Variants in COPZ2 observed in about 807,000 individuals in gnomAD.
COPZ2 encodes coatomer subunit zeta-2.
In COPZ2, 30 loss-of-function variants were observed where a neutral mutation model predicts 33.2. The ratio of observed to expected loss-of-function variants is 0.90; its 90% CI spans 0.68 to 1.23. The LOEUF (loss-of-function observed/expected upper bound fraction) is 1.23, where lower values mean the gene tolerates loss of function less well. Among genes scored for constraint, COPZ2 ranks in the 50% most tolerant of loss-of-function variants. The pLI, the probability that COPZ2 is intolerant of heterozygous loss-of-function variation, is 0.00. For missense variants in COPZ2, 263 were observed against 262.4 expected, an observed-to-expected ratio of 1.00 and a Z score of -0.02; for synonymous variants, 89 against 102.6, an observed-to-expected ratio of 0.87 and a Z score of 0.80.
the COPZ2 span, chr17:48,046,549 G>C: frequency 6.6e-6 from 1 of 152,214 alleles, no homozygotes; most frequent in African/African-American, 2.4e-5. Flanking sequence ...GTGCTACTGT[G>C]AGCCACTGCG....
chr17:48,029,225 C>T (rs897239640), intron 6 of COPZ2, 49 bp from the exon 7 acceptor site: 1 of 1,505,258 alleles, frequency 6.6e-7, no homozygotes, highest in Non-Finnish European at 9.0e-7. Context: ...GCACAATCCT[C>T]CCCTCCGCCC....
chr17:48,041,951 G>A (rs1358223040), upstream of COPZ2, among the ~76,000 whole-genome samples: 2 of 150,650 alleles, frequency 1.3e-5, no homozygotes, highest in Non-Finnish European at 2.9e-5. Context: ...TGGGAAGATA[G>A]GGGACTTAGG....
At chr17:48,027,942 A>T (rs2036839680) in intron 8 of COPZ2, among the ~76,000 whole-genome samples, 1 of 152,180 alleles carries the variant, frequency 6.6e-6, no homozygotes, top group Non-Finnish European at 1.5e-5. Context: ...GGGTTGTGGC[A>T]GGTTCTTCCA....
At chr17:48,042,298 T>TA (rs904345875), upstream of COPZ2, among the ~76,000 whole-genome samples, 2 of 151,970 alleles carry the variant, frequency 1.3e-5, no homozygotes, top group Admixed American at 6.6e-5. Flanking sequence ...CACACCCAGC[T>TA]AATTTTTTTT....
At chr17:48,041,328 A>G (rs1006172449), upstream of COPZ2, among the ~76,000 whole-genome samples, 1 of 152,214 alleles carries the variant, frequency 6.6e-6, no homozygotes, top group Non-Finnish European at 1.5e-5. Context: ...GTTTCTGTGC[A>G]AGATATAATA....
intron 6 of COPZ2, among the ~76,000 whole-genome samples, chr17:48,029,883 G>A (rs1291925577): frequency 2.0e-5 from 3 of 151,892 alleles, no homozygotes; most frequent in Non-Finnish European, 2.9e-5. Context: ...CAGGAGAATC[G>A]CTTCAACCCG....
rs2036818605 is a variant in COPZ2, at chr17:48,026,478, G to C, written c.586-3C>G. On this transcript the variant is annotated splice_region_variant and splice_polypyrimidine_tract_variant and intron_variant, in intron 8 of 8. Coordinates refer to ENST00000621465, the MANE Select transcript of COPZ2 (RefSeq NM_016429.4). Reference sequence around the variant, plus strand: ...TGTTCCTTGGCAGACTGAAGAACCTGGGGTGGGGTGGGGGAGGTTGAGAGA... The same window carrying C: ...TGTTCCTTGGCAGACTGAAGAACCTCGGGTGGGGTGGGGGAGGTTGAGAGA... 1.2e-6 allele frequency: 2 copies of C among 1,605,736 alleles called. No homozygotes were observed. The highest frequency in any genetic ancestry group is 1.7e-6 in the Non-Finnish European group (2 of 1,172,782).
At position 48,032,252 on chromosome 17, in the gene COPZ2, TCCTGAGC is replaced by T; in HGVS notation, c.417-26_417-20del. On this transcript the variant is annotated intron_variant, in intron 5 of 8. Transcript: ENST00000621465. The stretch of plus-strand genomic sequence containing the variant: ...GTTCTTCCTGAAGGTGGACACAAGC[TCCTGAGC>T]CTCCCTGTGGCTGGGAGGAACTGAG... 1 of 1,605,774 alleles carries T rather than the reference TCCTGAGC, an allele frequency of 6.2e-7. No homozygotes were observed. The highest frequency in any genetic ancestry group is 8.5e-7 in the Non-Finnish European group (1 of 1,175,900).
intron 2 of COPZ2, among the ~76,000 whole-genome samples, chr17:48,036,342 T>C (rs1405949000): frequency 6.6e-6 from 1 of 152,220 alleles, no homozygotes; most frequent in Non-Finnish European, 1.5e-5. Context: ...ACTTGTGACC[T>C]CAGGCAACTC....
chr17:48,043,781 CTAG>C, the COPZ2 span, among the ~76,000 whole-genome samples: 1 of 152,178 alleles, frequency 6.6e-6, no homozygotes, highest in Non-Finnish European at 1.5e-5. Flanking sequence ...GATGGCCCAA[CTAG>C]TAAGAAACAG....
chr17:48,039,426 T>C (rs1291263679), upstream of COPZ2, among the ~76,000 whole-genome samples: 1 of 149,878 alleles, frequency 6.7e-6, no homozygotes, highest in Non-Finnish European at 1.5e-5. Flanking sequence ...GCCATGATCA[T>C]GCCACTGTGC....
At chr17:48,043,850 A>C in the COPZ2 span, among the ~76,000 whole-genome samples, 1 of 152,188 alleles carries the variant, frequency 6.6e-6, no homozygotes, top group South Asian at 2.1e-4. Context: ...CCTACCTCTT[A>C]ATGGCAGCTC....
chr17:48,043,013 C>G (rs925868744), upstream of COPZ2, among the ~76,000 whole-genome samples: 4 of 152,214 alleles, frequency 2.6e-5, no homozygotes, highest in African/African-American at 9.6e-5. Context: ...GAGCATGGCC[C>G]TAAGAGGACT....
chr17:48,042,344 G>A (rs1178552422), upstream of COPZ2, among the ~76,000 whole-genome samples: 1 of 152,120 alleles, frequency 6.6e-6, no homozygotes, highest in Non-Finnish European at 1.5e-5. Flanking sequence ...TATGTTGTTT[G>A]GCTGGTCTTG....
intron 2 of COPZ2, among the ~76,000 whole-genome samples, chr17:48,035,628 T>C (rs545059421): frequency 1.4e-4 from 21 of 152,280 alleles, no homozygotes; most frequent in African/African-American, 5.1e-4. Flanking sequence ...TGTGCCATGT[T>C]GCCCAGGCTG....
At chr17:48,046,003 T>TG in the COPZ2 span, 1 of 152,226 alleles carries the variant, frequency 6.6e-6, no homozygotes, top group African/African-American at 2.4e-5. Flanking sequence ...CTCCCTTCCA[T>TG]GGAGCATCAA....
chr17:48,038,340 A>C (rs114877651), upstream of COPZ2, among the ~76,000 whole-genome samples: 443 of 152,276 alleles, frequency 2.9e-3, 1 homozygote, highest in African/African-American at 0.01. Context: ...AGGCTCTCCT[A>C]AGTCACAGAT....
chr17:48,037,662 C>G lies in COPZ2; in HGVS notation c.111+5G>C. The G allele has an allele frequency of 9.2e-7, 1 of 1,089,474 alleles. No individual in the cohort carries two copies. Among genetic ancestry groups the G allele is most frequent in the Non-Finnish European group, 1.1e-6 (1 of 898,280 alleles). The allele number at this position is 1,089,474 out of a possible 1,614,324, so 67.5% of individuals were successfully genotyped here. ...CCGGGATCCCCGCGCCCGCCCGCTCCGTACCCGCAGCCCCGAGGGCTCCCC... is the reference window on the plus strand; with the variant it reads ...CCGGGATCCCCGCGCCCGCCCGCTCGGTACCCGCAGCCCCGAGGGCTCCCC... On this transcript the variant is annotated splice_donor_5th_base_variant and intron_variant, in intron 1 of 8. Transcript: ENST00000621465. This position sits in a 1 kb window ranked among gnomAD's most constrained non-coding sequence, Gnocchi z 5.6.
At position 48,026,231 on chromosome 17, in the gene COPZ2, AG is replaced by A. The variant is rs2144287674; in HGVS notation, c.*196del. The A allele has an allele frequency of 1.8e-6, 1 of 570,470 alleles. No individual in the cohort carries two copies. Among genetic ancestry groups the A allele is most frequent in the African/African-American group, 1.9e-5 (1 of 53,552 alleles). The allele number at this position is 570,470 out of a possible 1,614,324, so 35.3% of individuals were successfully genotyped here. A position where few individuals can be genotyped will look rare whatever the true frequency, so the allele number is the denominator to read the frequency against. ...CCAGGAATGCCTAAGATATGAGTTA[AG>A]GCCAGGGCCGTGAGAAAAGGTGACT... On this transcript the variant is annotated 3_prime_UTR_variant, in exon 9 of 9. Coordinates refer to ENST00000621465, the MANE Select transcript of COPZ2 (RefSeq NM_016429.4).
Sources: gnomAD v4.1 joint callset for allele counts (sites outside exome capture counted in the v4.1 genomes callset) on GRCh38, gnomAD v4.1.1 for gene constraint, Gnocchi (gnomAD v3.1) non-coding constraint, MANE v1.5 for transcripts, NCBI Gene and HGNC (gene_info 2026-07-23, HGNC 2026-07-21) for gene names.